The following ASXL2 variants were observed in gnomAD, a reference collection of about 807,000 sequenced individuals.
ASXL2 encodes putative Polycomb group protein ASXL2.
A neutral mutation model predicts 122.0 loss-of-function variants in ASXL2; 23 were observed. The ratio of observed to expected loss-of-function variants is 0.19; its 90% CI spans 0.14 to 0.27. The LOEUF (loss-of-function observed/expected upper bound fraction) is 0.27. Ranked by LOEUF, ASXL2 falls within the 10% of genes least tolerant of loss-of-function variation. ASXL2 has a pLI of 1.00. For missense variants in ASXL2, 1,518 were observed against 1,713.8 expected (o/e 0.89, Z 2.02); for synonymous variants, 650 against 637.0 (o/e 1.02, Z -0.31).
chr2:25,810,661 C>T lies in ASXL2; in HGVS notation c.144-4324G>A, dbSNP rs1483468880. 21 of 767,250 alleles carry T rather than the reference C, an allele frequency of 2.7e-5. 1 individual carries two copies. In the East Asian group the frequency reaches 5.5e-4, roughly 20 times the overall value. The allele number at this position is 767,250 out of a possible 1,614,324, so 47.5% of individuals were successfully genotyped here. On this transcript the variant is annotated intron_variant, in intron 3 of 12. Transcript: ENST00000435504. ...AATAGTGGTGATCCCAGCCATGGTG[C>T]CCACCCAGCTACTGCTCACACTCCA...
chr2:25,866,630 G>A (rs111903123), intron 1 of ASXL2, among the ~76,000 whole-genome samples: 135 of 152,290 alleles, frequency 8.9e-4, no homozygotes, highest in African/African-American at 3.1e-3. Flanking sequence ...CCCCACATCT[G>A]TTCTCAAGGT....
chr2:25,765,919 C>T (rs1018012938), intron 8 of ASXL2, among the ~76,000 whole-genome samples: 6 of 152,108 alleles, frequency 3.9e-5, no homozygotes, highest in Non-Finnish European at 7.3e-5. Context: ...AGGGCACATT[C>T]GGTTTAAATA....
intron 1 of ASXL2, chr2:25,856,793 G>A: frequency 7.9e-7 from 1 of 1,266,800 alleles, no homozygotes; most frequent in Non-Finnish European, 1.1e-6. Flanking sequence ...CAATCCTCTT[G>A]GGGTTGGTGA....
intron 5 of ASXL2, among the ~76,000 whole-genome samples, chr2:25,783,319 C>A (rs907575113): frequency 6.6e-6 from 1 of 151,276 alleles, no homozygotes; most frequent in Non-Finnish European, 1.5e-5. Context: ...CCCATTTCAT[C>A]TACAAAGTAC....
intron 1 of ASXL2, chr2:25,856,697 G>A: frequency 1.6e-6 from 2 of 1,287,942 alleles, no homozygotes; most frequent in Non-Finnish European, 2.2e-6. Flanking sequence ...GAGCCAGTTT[G>A]CATACCTGGA....
intron 1 of ASXL2, among the ~76,000 whole-genome samples, chr2:25,863,652 C>G (rs1465211526): frequency 6.6e-6 from 1 of 151,818 alleles, no homozygotes; most frequent in Non-Finnish European, 1.5e-5. Flanking sequence ...GAGATCGCGC[C>G]ACTGCACTCC....
chr2:25,867,752 C>G (rs527355008), intron 1 of ASXL2, among the ~76,000 whole-genome samples: 3 of 152,212 alleles, frequency 2.0e-5, no homozygotes, highest in Non-Finnish European at 2.9e-5. Flanking sequence ...CTACACAACA[C>G]TCACAGGTTA....
chr2:25,826,150 A>G (rs181059819), intron 3 of ASXL2, among the ~76,000 whole-genome samples: 1 of 152,318 alleles, frequency 6.6e-6, no homozygotes. Flanking sequence ...TTTATGATGG[A>G]AATCAGTAGT....
Position 25,742,407 on chromosome 2 carries a change from G to C in ASXL2, c.3930C>G (p.Pro1310=). 1 of 1,610,256 alleles carries C rather than the reference G, an allele frequency of 6.2e-7. No individual in the cohort carries two copies. The highest frequency in any genetic ancestry group is 1.1e-5 in the South Asian group (1 of 90,568). The change falls in exon 13 of 13, where the codon CCC becomes CCG. Residue 1310 remains proline (P), a synonymous_variant. Coordinates refer to ENST00000435504, the MANE Select transcript of ASXL2 (RefSeq NM_018263.6). ...SPTHQPLLLP[P]LQTPKLYGSP... ...TTCCATACAACTTCGGGGTTTGCAG[G>C]GGTGGAAGGAGTAGGGGCTGGTGGG...
rs2149146473 is a variant in ASXL2 at position 25,759,547 on chromosome 2, A to T, written c.874T>A (p.Phe292Ile). 1 of 1,614,000 alleles carries T rather than the reference A, an allele frequency of 6.2e-7. No individual in the cohort carries two copies. Among genetic ancestry groups the T allele is most frequent in the Non-Finnish European group, 8.5e-7 (1 of 1,179,884 alleles). ...TGGCAATCTCCAGGAAGGACTGAAA[A>T]TGTGTGCTTGTTGATCAGTGCTCGC... ...NLRALINKHTFSVLPGDCQQR... is the reference protein window; with the variant it reads ...NLRALINKHTISVLPGDCQQR... The change falls in exon 9 of 13, where the codon TTT becomes ATT. Residue 292 changes from phenylalanine to isoleucine, a missense_variant. Physicochemically the swap from Phe to Ile is conservative, Grantham distance 21 (BLOSUM62 0). Around this residue, in one of 8 missense-constraint regions of ASXL2, gnomAD observed 92 missense variants for 156.6 expected, o/e 0.59. Transcript: ENST00000435504.
rs531273240 is a variant in ASXL2 at position 25,840,037 on chromosome 2, A to C, written c.141-4497T>G. The stretch of plus-strand genomic sequence containing the variant: ...TGAGCCACCATGCCCAGCTTAAACT[A>C]TCTTTAAAATTAGTGCATTAATGCA... On this transcript the variant is annotated intron_variant, in intron 2 of 12. Transcript: ENST00000435504. Among the ~76,000 whole-genome samples, 10 of 152,072 alleles carry C rather than the reference A, an allele frequency of 6.6e-5. No homozygotes were observed. In the East Asian group the frequency reaches 1.2e-3, roughly 18 times the overall value.
At position 25,768,822 on chromosome 2, in the gene ASXL2, G is replaced by A. The variant is rs1559505598; in HGVS notation, c.551C>T (p.Pro184Leu). 1 of 1,613,732 alleles carries A rather than the reference G, an allele frequency of 6.2e-7. No individual in the cohort carries two copies. The highest frequency in any genetic ancestry group is 1.1e-5 in the South Asian group (1 of 91,046). The change falls in exon 7 of 13, where the codon CCA becomes CTA. Residue 184 changes from proline to leucine, a missense_variant. This residue lies in a region of ASXL2 where 198 missense variants were observed against 209.0 expected (regional missense o/e 0.95). Coordinates refer to ENST00000435504, the MANE Select transcript of ASXL2 (RefSeq NM_018263.6). ...CTGGTTGGAGGAGATGGATATGCTT[G>A]GCCTGCATTGCTGCTGCTGCTTCTT... The part of the protein sequence containing the change: ...QQKKQQQQCR[P>L]SISISSNQHL...
rs1477301607 is a variant in ASXL2, at chr2:25,742,602, C to T, written c.3735G>A (p.Lys1245=). 2.5e-6 allele frequency: 4 copies of T among 1,613,850 alleles called. No homozygotes were observed. Among genetic ancestry groups the T allele is most frequent in the Non-Finnish European group, 8.5e-7 (1 of 1,179,908 alleles). The change falls in exon 13 of 13, where the codon AAG becomes AAA. Residue 1245 remains lysine (K), a synonymous_variant. Transcript: ENST00000435504. ...IPLNEQTTLS[K]ENYLFTRGQT... is the part of the protein sequence containing the mutation. ...GGCCTCTAGTGAACAGGTAATTCTC[C>T]TTACTTAAAGTGGTTTGCTCATTCA...
At chr2:25,800,648 G>A (rs2088983330) in intron 4 of ASXL2, among the ~76,000 whole-genome samples, 1 of 152,094 alleles carries the variant, frequency 6.6e-6, no homozygotes, top group African/African-American at 2.4e-5. Flanking sequence ...ATAGTTCCAA[G>A]ACCAAAGACT....
chr2:25,826,509 A>G (rs2089379296), intron 3 of ASXL2, among the ~76,000 whole-genome samples: 1 of 152,140 alleles, frequency 6.6e-6, no homozygotes, highest in South Asian at 2.1e-4. Flanking sequence ...GACATCACTA[A>G]TCCAACTTAT....
chr2:25,829,008 TAA>T (rs2089416124), intron 3 of ASXL2, among the ~76,000 whole-genome samples: 2 of 152,232 alleles, frequency 1.3e-5, no homozygotes, highest in South Asian at 4.1e-4. Context: ...TATTAAAGAT[TAA>T]ACAGACCATG....
chr2:25,772,846 A>G (rs1200086128), intron 5 of ASXL2, among the ~76,000 whole-genome samples: 1 of 151,714 alleles, frequency 6.6e-6, no homozygotes, highest in African/African-American at 2.4e-5. Context: ...TAGTATTTCA[A>G]TTTACTTAGA....
At position 25,739,355 on chromosome 2, in the gene ASXL2, C is replaced by CTTTTCTAAAA. The variant is rs2087788086; in HGVS notation, c.*2673_*2674insTTTTAGAAAA. 11 of 173,778 alleles carry CTTTTCTAAAA rather than the reference C, an allele frequency of 6.3e-5. No homozygotes were observed. The highest frequency in any genetic ancestry group is 1.4e-4 in the Non-Finnish European group (11 of 80,892). The allele number at this position is 173,778 out of a possible 1,614,324, so 10.8% of individuals were successfully genotyped here. A position where few individuals can be genotyped will look rare whatever the true frequency, so the allele number is the denominator to read the frequency against. Reference sequence around the variant, plus strand: ...TTCTACTGCTTCATTTTCTAAAAGGCCAGATTGTAATGTGTTTTTTTTTTT... The same window carrying CTTTTCTAAAA: ...TTCTACTGCTTCATTTTCTAAAAGGCTTTTCTAAAACAGATTGTAATGTGTTTTTTTTTTT... On this transcript the variant is annotated 3_prime_UTR_variant, in exon 13 of 13. Coordinates refer to ENST00000435504, the MANE Select transcript of ASXL2 (RefSeq NM_018263.6).
At chr2:25,835,118 C>A (rs1011142617) in intron 3 of ASXL2, among the ~76,000 whole-genome samples, 1 of 152,156 alleles carries the variant, frequency 6.6e-6, no homozygotes, top group Non-Finnish European at 1.5e-5. Flanking sequence ...AGCCACCATG[C>A]CCAGCCGATT....
Sources: allele counts gnomAD v4.1 joint callset (sites outside exome capture counted in the v4.1 genomes callset), GRCh38; gene constraint gnomAD v4.1.1; regional missense constraint gnomAD v4.1.1; transcripts MANE v1.5; gene names NCBI Gene and HGNC (gene_info 2026-07-23, HGNC 2026-07-21).